The following LRRC69 variants were observed in gnomAD, a reference collection of about 807,000 sequenced individuals.
LRRC69 encodes the protein leucine rich repeat containing 69, also known as leucine-rich repeat-containing protein 69.
A neutral mutation model predicts 37.8 loss-of-function variants in LRRC69; 42 were observed. That is an observed-to-expected ratio of 1.11 (90% CI 0.87 to 1.44). The LOEUF is 1.44. LRRC69 is among the 40% of genes most tolerant of loss of function. The pLI is 0.00. For synonymous variants in LRRC69, 141 were observed against 143.1 expected, an observed-to-expected ratio of 0.99 and a Z score of 0.11; for missense variants, 357 against 401.9, an observed-to-expected ratio of 0.89 and a Z score of 0.96.
intron 5 of LRRC69, among the ~76,000 whole-genome samples, chr8:91,171,958 T>TA (rs139739748): frequency 0.67 from 100,710 of 150,248 alleles, 34,230 homozygotes; most frequent in African/African-American, 0.73. Flanking sequence ...GGTTTTTTTT[T>TA]TAAAAAATGG....
chr8:91,192,747 C>T lies in LRRC69; in HGVS notation c.753+3124C>T, dbSNP rs1391693622. ...GTTCTTTGTAGATTCTGGATATTAGCCCTTTGTTAGATGAGTAGGTTGCAA... is the reference window on the plus strand; with the variant it reads ...GTTCTTTGTAGATTCTGGATATTAGTCCTTTGTTAGATGAGTAGGTTGCAA... On this transcript the variant is annotated intron_variant, in intron 6 of 7. Coordinates refer to ENST00000448384, the Ensembl canonical transcript of LRRC69. Among the ~76,000 whole-genome samples the T allele has an allele frequency of 2.0e-5, 3 of 151,398 alleles. No homozygotes were observed. In the East Asian group the frequency reaches 5.8e-4, roughly 29 times the overall value.
chr8:91,127,018 T>C (rs1813728779), intron 2 of LRRC69, 70 bp from the exon 3 acceptor site: 1 of 1,183,704 alleles, frequency 8.4e-7, no homozygotes, highest in African/African-American at 1.5e-5. Context: ...CAAAGGTATG[T>C]AGAAAAGTAG....
intron 7 of LRRC69, among the ~76,000 whole-genome samples, chr8:91,215,466 A>C (rs1163519372): frequency 2.0e-5 from 3 of 152,298 alleles, no homozygotes; most frequent in African/African-American, 7.2e-5. Flanking sequence ...AACAAACATA[A>C]AACTTAGCAA....
intron 5 of LRRC69, among the ~76,000 whole-genome samples, chr8:91,138,549 G>A (rs1808463132): frequency 7.3e-6 from 1 of 136,166 alleles, no homozygotes; most frequent in South Asian, 2.1e-4. Flanking sequence ...TTTCAGAGCA[G>A]TATTTTTTTT....
At chr8:91,112,195 G>T (rs1375382204) in intron 1 of LRRC69, among the ~76,000 whole-genome samples, 1 of 152,002 alleles carries the variant, frequency 6.6e-6, no homozygotes, top group Admixed American at 6.6e-5. Flanking sequence ...ATGTCATTCA[G>T]AAGTGGCTGT....
At chr8:91,163,497 C>A (rs933341756) in intron 5 of LRRC69, among the ~76,000 whole-genome samples, 1 of 151,428 alleles carries the variant, frequency 6.6e-6, no homozygotes, top group Non-Finnish European at 1.5e-5. Context: ...AAGTCACAAA[C>A]TTTGGGAGGG....
intron 7 of LRRC69, among the ~76,000 whole-genome samples, chr8:91,211,504 A>G (rs937402319): frequency 9.3e-5 from 14 of 151,004 alleles, no homozygotes; most frequent in Non-Finnish European, 1.9e-4. Flanking sequence ...TGCACAGAAT[A>G]CTTGGGGATG....
chr8:91,117,923 G>A (rs1813540972), intron 1 of LRRC69, among the ~76,000 whole-genome samples: 1 of 151,800 alleles, frequency 6.6e-6, no homozygotes, highest in African/African-American at 2.4e-5. Context: ...TGGAAATTAT[G>A]TCCTGAGGGA....
chr8:91,138,692 A>C (rs1275294739), intron 5 of LRRC69: 1 of 151,936 alleles, frequency 6.6e-6, no homozygotes, highest in Non-Finnish European at 1.5e-5. Context: ...TATGTGTTGG[A>C]TCAAAAGAGT....
At chr8:91,211,814 G>A (rs1324238462) in intron 7 of LRRC69, among the ~76,000 whole-genome samples, 1 of 151,592 alleles carries the variant, frequency 6.6e-6, no homozygotes, top group Non-Finnish European at 1.5e-5. Context: ...GCTTCTTATG[G>A]GGTTTACACT....
At chr8:91,200,301 G>A (rs552594353) in intron 6 of LRRC69, among the ~76,000 whole-genome samples, 42 of 152,334 alleles carry the variant, frequency 2.8e-4, no homozygotes, top group African/African-American at 8.9e-4. Context: ...AATGAGAGGT[G>A]CCAGATTTAA....
intron 7 of LRRC69, among the ~76,000 whole-genome samples, chr8:91,205,140 A>G (rs1345503132): frequency 1.3e-5 from 2 of 152,168 alleles, no homozygotes; most frequent in Non-Finnish European, 2.9e-5. Flanking sequence ...ATAGATTCGA[A>G]TTATAAAAAA....
intron 6 of LRRC69, among the ~76,000 whole-genome samples, chr8:91,195,879 C>A (rs1809589071): frequency 6.6e-6 from 1 of 152,004 alleles, no homozygotes. Flanking sequence ...GAATTTGATC[C>A]TGTCATGATG....
chr8:91,127,943 T>A (rs1813748910), intron 3 of LRRC69, among the ~76,000 whole-genome samples: 1 of 152,082 alleles, frequency 6.6e-6, no homozygotes, highest in African/African-American at 2.4e-5. Flanking sequence ...GCCAATGTAT[T>A]ATTTTTTCCA....
chr8:91,158,484 G>A (rs1255139103), intron 5 of LRRC69: 4 of 1,142,398 alleles, frequency 3.5e-6, no homozygotes, highest in Non-Finnish European at 5.3e-6. Flanking sequence ...AACCCACAAG[G>A]CCTCACAATG....
At chr8:91,157,635 TAAAATGC>T in intron 5 of LRRC69, 3 of 1,574,226 alleles carry the variant, frequency 1.9e-6, no homozygotes, top group Non-Finnish European at 2.6e-6. Flanking sequence ...AGGAATCTAA[TAAAATGC>T]ACTGGACTTT....
At position 91,158,607 on chromosome 8, in the gene LRRC69, A is replaced by G. The variant is rs563251739; in HGVS notation, c.651+22868A>G. On this transcript the variant is annotated intron_variant, in intron 5 of 7. Coordinates refer to ENST00000448384, the Ensembl canonical transcript of LRRC69. ...TGTTTATAGTTCTGATGTCTTTGAC[A>G]TTTTCCCTGGAACATACCAAACCCT... 149 of 1,416,994 alleles carry G rather than the reference A, an allele frequency of 1.1e-4. 3 individuals carry two copies. The East Asian group carries it at 3.3e-3, about 32-fold the overall frequency. 87.8% of individuals were successfully genotyped at this position (1,416,994 alleles called of 1,614,324 possible). A position where few individuals can be genotyped will look rare whatever the true frequency, so the allele number is the denominator to read the frequency against.
intron 5 of LRRC69, among the ~76,000 whole-genome samples, chr8:91,167,473 T>A (rs151233048): frequency 4.9e-4 from 74 of 151,626 alleles, no homozygotes; most frequent in African/African-American, 1.7e-3. Context: ...CAATTCAAGA[T>A]TGGATTTGTA....
At chr8:91,136,385 G>A (rs551486664) in intron 5 of LRRC69, among the ~76,000 whole-genome samples, 1 of 151,862 alleles carries the variant, frequency 6.6e-6, no homozygotes, top group South Asian at 2.1e-4. Flanking sequence ...TCTAAATTGA[G>A]GTTTCAGTCT....
Sources: gnomAD v4.1 joint callset for allele counts (sites outside exome capture counted in the v4.1 genomes callset) on GRCh38, gnomAD v4.1.1 for gene constraint, MANE v1.5 for transcripts, NCBI Gene and HGNC (gene_info 2026-07-23, HGNC 2026-07-21) for gene names.